The following LCK variants were observed in gnomAD, a reference collection of about 807,000 sequenced individuals.
LCK encodes the protein tyrosine-protein kinase Lck.
LCK carries 14 observed loss-of-function variants against 64.6 expected under a neutral mutation model. The observed-to-expected ratio is 0.22, with a 90% CI of 0.14 to 0.34. The LOEUF (loss-of-function observed/expected upper bound fraction) is 0.34, where lower values mean the gene tolerates loss of function less well. Among genes scored for constraint, LCK ranks in the 10% least tolerant of loss-of-function variants. LCK has a pLI of 1.00. For synonymous variants in LCK, 277 were observed against 263.6 expected (o/e 1.05, Z -0.49); for missense variants, 434 against 668.1 (o/e 0.65, Z 3.86).
In LCK at chr1:32,285,575, C is replaced by T; in HGVS notation, c.1389C>T (p.Asp463=). ...GAGGCTACCGCATGGTGCGCCCTGACAACTGTCCAGAGGAGCTGTACCAAC... is the reference window on the plus strand; with the variant it reads ...GAGGCTACCGCATGGTGCGCCCTGATAACTGTCCAGAGGAGCTGTACCAAC... The part of the protein sequence containing the change: ...LERGYRMVRP[D]NCPEELYQLM... The change falls in exon 13 of 13, where the codon GAC becomes GAT. Residue 463 remains aspartate (D), a synonymous_variant. Transcript: ENST00000336890. 1 of 1,614,254 alleles carries T rather than the reference C, an allele frequency of 6.2e-7. No individual in the cohort carries two copies. The highest frequency in any genetic ancestry group is 8.5e-7 in the Non-Finnish European group (1 of 1,180,042).
Position 32,274,419 on chromosome 1 carries a change from G to A in LCK, c.90G>A (p.Leu30=), listed in dbSNP as rs747453202. The A allele has an allele frequency of 9.3e-6, 15 of 1,612,734 alleles. No homozygotes were observed. The highest frequency in any genetic ancestry group is 1.3e-5 in the Non-Finnish European group (15 of 1,179,354). The change falls in exon 2 of 13, where the codon CTG becomes CTA. Residue 30 remains leucine (L), a synonymous_variant. Transcript: ENST00000336890. ...ACTGCCATTATCCCATAGTCCCACT[G>A]GATGGCAAGGGCACGGTAAGAGGCG... The part of the protein sequence containing the change: ...CENCHYPIVP[L]DGKGTLLIRN...
chr1:32,272,462 T>C (rs113342389), intron 1 of LCK, among the ~76,000 whole-genome samples: 2,997 of 151,696 alleles, frequency 0.02, 42 homozygotes, highest in Non-Finnish European at 0.032. Context: ...GTGTGCACCT[T>C]TAGTCTCAGC....
intron 1 of LCK, among the ~76,000 whole-genome samples, chr1:32,253,034 A>T (rs1159495289): frequency 6.6e-6 from 1 of 152,100 alleles, no homozygotes; most frequent in African/African-American, 2.4e-5. Context: ...AAGTGGCTTC[A>T]TCTCTCTCTC....
chr1:32,275,851 C>T lies in LCK; in HGVS notation c.482-63C>T. On this transcript the variant is annotated intron_variant, in intron 6 of 12. Coordinates refer to ENST00000336890, the MANE Select transcript of LCK (RefSeq NM_005356.5). This position sits in a 1 kb window ranked among gnomAD's most constrained non-coding sequence, Gnocchi z 6.9. Reference sequence around the variant, plus strand: ...GTGCTGGGTGAGCCCAAGGTGGGGGCGCGGTGGCGGGCCAGACTCACTGCG... The same window carrying T: ...GTGCTGGGTGAGCCCAAGGTGGGGGTGCGGTGGCGGGCCAGACTCACTGCG... The T allele has an allele frequency of 6.3e-7, 1 of 1,582,686 alleles. No individual in the cohort carries two copies. Among genetic ancestry groups the T allele is most frequent in the Non-Finnish European group, 8.6e-7 (1 of 1,162,414 alleles).
intron 1 of LCK, among the ~76,000 whole-genome samples, chr1:32,273,695 C>CA (rs887364052): frequency 6.6e-5 from 10 of 151,048 alleles, no homozygotes; most frequent in East Asian, 5.8e-4. Flanking sequence ...GGCAAATAAA[C>CA]AAAAAAAAAG....
chr1:32,280,266 C>T lies in LCK; in HGVS notation c.1327+56C>T. The T allele has an allele frequency of 1.1e-5, 17 of 1,602,368 alleles. No homozygotes were observed. The South Asian group carries it at 1.9e-4, about 18-fold the overall frequency. ...GATGGGAAGGGCAAGTCCATGTCTT[C>T]CCATTCAATTCTTTCCAGTCTCAGA... On this transcript the variant is annotated intron_variant, in intron 12 of 12. Coordinates refer to ENST00000336890, the MANE Select transcript of LCK (RefSeq NM_005356.5).
chr1:32,258,954 G>A (rs1036430643), intron 1 of LCK, among the ~76,000 whole-genome samples: 2 of 151,676 alleles, frequency 1.3e-5, no homozygotes, highest in African/African-American at 2.4e-5. Flanking sequence ...GCTATGGGAG[G>A]TCGAGGCTGC....
chr1:32,270,692 CTTTTTTTTT>C (rs34689678), intron 1 of LCK, among the ~76,000 whole-genome samples: 983 of 96,764 alleles, frequency 0.01, 15 homozygotes, highest in African/African-American at 0.039. Context: ...CGTGCCCGGA[CTTTTTTTTT>C]TTTTTTTTTT....
intron 1 of LCK, among the ~76,000 whole-genome samples, chr1:32,262,680 T>A (rs1639807850): frequency 6.6e-6 from 1 of 151,718 alleles, no homozygotes; most frequent in Admixed American, 6.6e-5. Flanking sequence ...TGCCTCAGCC[T>A]CCCAAAGTGC....
chr1:32,256,834 A>C (rs1291464992), intron 1 of LCK, among the ~76,000 whole-genome samples: 1 of 152,196 alleles, frequency 6.6e-6, no homozygotes, highest in Non-Finnish European at 1.5e-5. Context: ...ATAATGGATG[A>C]CCATTTACGA....
chr1:32,265,074 G>A (rs1216516619), intron 1 of LCK, among the ~76,000 whole-genome samples: 1 of 151,996 alleles, frequency 6.6e-6, no homozygotes, highest in Non-Finnish European at 1.5e-5. Context: ...GGGCGTGGCG[G>A]CACGTGCCTG....
chr1:32,280,996 C>A (rs946591127), intron 12 of LCK, among the ~76,000 whole-genome samples: 1 of 152,174 alleles, frequency 6.6e-6, no homozygotes, highest in African/African-American at 2.4e-5. Context: ...AATCTCAGAA[C>A]TTTGGGAGAC....
At chr1:32,277,481 C>T (rs1640318296) in intron 9 of LCK, among the ~76,000 whole-genome samples, 1 of 152,144 alleles carries the variant, frequency 6.6e-6, no homozygotes, top group African/African-American at 2.4e-5. Flanking sequence ...GCCCCCAAAG[C>T]CCTCTTTTTC....
At position 32,255,800 on chromosome 1, in the gene LCK, A is replaced by ATT. The variant is rs58539932; in HGVS notation, c.-6+4448_-6+4449dup. On this transcript the variant is annotated intron_variant, in intron 1 of 12. Transcript: ENST00000336890. ...CACATAGGAGGTACCCATTAAATTTATTTTTTTTTTTTTTTTTTTTGAGAC... is the reference window on the plus strand; with the variant it reads ...CACATAGGAGGTACCCATTAAATTTATTTTTTTTTTTTTTTTTTTTTTGAGAC... Among the ~76,000 whole-genome samples the ATT allele has an allele frequency of 4.9e-4, 66 of 133,434 alleles. 1 individual carries two copies. Among genetic ancestry groups the ATT allele is most frequent in the African/African-American group, 1.5e-3 (55 of 36,720 alleles). 87.5% of individuals were successfully genotyped at this position (133,434 alleles called of 152,430 possible).
chr1:32,278,165 C>A (rs564988225), intron 9 of LCK, among the ~76,000 whole-genome samples: 7 of 152,048 alleles, frequency 4.6e-5, no homozygotes, highest in Non-Finnish European at 8.8e-5. Flanking sequence ...GGTAACAGAG[C>A]GAGACCTTGT....
intron 1 of LCK, among the ~76,000 whole-genome samples, chr1:32,255,177 C>G (rs1486291702): frequency 4.6e-5 from 7 of 152,090 alleles, no homozygotes; most frequent in Non-Finnish European, 1.0e-4. Context: ...TCTCTGCAGG[C>G]TGGCAGACCG....
chr1:32,274,242 T>C (rs1167472654), intron 1 of LCK, 83 bp from the exon 2 acceptor site: 2 of 1,606,920 alleles, frequency 1.2e-6, no homozygotes, highest in Non-Finnish European at 1.7e-6. Context: ...TTTGGAACTT[T>C]CCAGGGCAAG....
Position 32,275,522 on chromosome 1 carries a change from A to T in LCK, c.378-47A>T. On this transcript the variant is annotated intron_variant, in intron 5 of 12. Transcript: ENST00000336890. This position sits in a 1 kb window ranked among gnomAD's most constrained non-coding sequence, Gnocchi z 6.9. ...GTGAAGGCTTGAGGGCCACGGAGGA[A>T]GATCCGACGACAGCCGACGGCCTTC... 1 of 1,551,970 alleles carries T rather than the reference A, an allele frequency of 6.4e-7. No homozygotes were observed. The highest frequency in any genetic ancestry group is 8.8e-7 in the Non-Finnish European group (1 of 1,140,704).
chr1:32,285,858 T>C lies in LCK; in HGVS notation c.*142T>C. ...CACCCACATGTGACACATATGCACCTTGTGTCTGTACACGTGTCCTGTAGT... is the reference window on the plus strand; with the variant it reads ...CACCCACATGTGACACATATGCACCCTGTGTCTGTACACGTGTCCTGTAGT... On this transcript the variant is annotated 3_prime_UTR_variant, in exon 13 of 13. Coordinates refer to ENST00000336890, the MANE Select transcript of LCK (RefSeq NM_005356.5). 1.2e-6 allele frequency: 1 copy of C among 816,160 alleles called. No homozygotes were observed. The highest frequency in any genetic ancestry group is 2.0e-6 in the Non-Finnish European group (1 of 511,304). 50.6% of individuals were successfully genotyped at this position (816,160 alleles called of 1,614,324 possible). A position where few individuals can be genotyped will look rare whatever the true frequency, so the allele number is the denominator to read the frequency against.
Sources: allele counts gnomAD v4.1 joint callset (sites outside exome capture counted in the v4.1 genomes callset), GRCh38; gene constraint gnomAD v4.1.1; non-coding constraint Gnocchi (gnomAD v3.1); transcripts MANE v1.5; gene names NCBI Gene and HGNC (gene_info 2026-07-23, HGNC 2026-07-21).